The following ATP2C2 variants were observed in gnomAD, a reference collection of about 807,000 sequenced individuals.
ATP2C2 encodes the protein ATPase secretory pathway Ca2+ transporting 2.
Under a neutral mutation model 110.8 loss-of-function variants are expected in ATP2C2, and 171 were observed. The observed-to-expected ratio is 1.54, with a 90% confidence interval of 1.36 to 1.75. The LOEUF is 1.75. Among genes scored for constraint, ATP2C2 ranks in the 40% most tolerant of loss-of-function variants. The probability of loss-of-function intolerance (pLI) is 0.00; values close to 1 mark genes in which losing one functional copy is unlikely to be tolerated. For missense variants in ATP2C2, 1,963 were observed against 1,235.0 expected (o/e 1.59, Z -8.84); for synonymous variants, 804 against 508.4 (o/e 1.58, Z -7.82).
intron 1 of ATP2C2, among the ~76,000 whole-genome samples, chr16:84,396,497 C>T (rs571099279): frequency 1.4e-5 from 2 of 147,376 alleles, no homozygotes; most frequent in Admixed American, 1.4e-4. Flanking sequence ...TTGTAGTGAG[C>T]CGAGGTCGCA....
intron 15 of ATP2C2, among the ~76,000 whole-genome samples, chr16:84,445,210 C>CTTT (rs373290504): frequency 1.1e-4 from 15 of 141,696 alleles, no homozygotes; most frequent in South Asian, 2.3e-4. Flanking sequence ...GCGTTTTCCT[C>CTTT]TTTTTTTTTT....
chr16:84,388,730 T>C (rs17740617), intron 1 of ATP2C2, among the ~76,000 whole-genome samples: 23,506 of 152,210 alleles, frequency 0.15, 1,966 homozygotes, highest in East Asian at 0.27. Context: ...ATCCCAATAA[T>C]TACGTGCCCT....
intron 15 of ATP2C2, among the ~76,000 whole-genome samples, chr16:84,443,837 G>C (rs774245247): frequency 6.6e-6 from 1 of 152,102 alleles, no homozygotes; most frequent in Non-Finnish European, 1.5e-5. Context: ...ATAAGCCCCC[G>C]TGTTGGTAGA....
chr16:84,384,365 G>A (rs984996104), intron 1 of ATP2C2, among the ~76,000 whole-genome samples: 1 of 152,148 alleles, frequency 6.6e-6, no homozygotes, highest in African/African-American at 2.4e-5. Context: ...CTTGATTTGA[G>A]TTTGTCTAAT....
In ATP2C2 at chr16:84,415,585, C is replaced by T; in HGVS notation, c.618C>T (p.Leu206=). 1 of 1,612,948 alleles carries T rather than the reference C, an allele frequency of 6.2e-7. No homozygotes were observed. The highest frequency in any genetic ancestry group is 8.5e-7 in the Non-Finnish European group (1 of 1,179,286). The change falls in exon 7 of 27, where the codon CTC becomes CTT. Residue 206 remains leucine, a synonymous_variant. Transcript: ENST00000262429. ...ACCGGATCCCTGCAGACATCCGACTCACTGAGGTGAGTGGTTCCAAACCCT... is the reference window on the plus strand; with the variant it reads ...ACCGGATCCCTGCAGACATCCGACTTACTGAGGTGAGTGGTTCCAAACCCT... ...IGDRIPADIR[L]TEVTDLLVDE...
intron 1 of ATP2C2, 43 bp from the exon 2 acceptor site, chr16:84,398,455 AC>A: frequency 7.6e-7 from 1 of 1,312,302 alleles, no homozygotes; most frequent in Non-Finnish European, 1.1e-6. Context: ...ATTAATCAGT[AC>A]AAAAGTTCAA....
At chr16:84,391,742 G>C (rs1466974884) in intron 1 of ATP2C2, among the ~76,000 whole-genome samples, 1 of 152,292 alleles carries the variant, frequency 6.6e-6, no homozygotes, top group South Asian at 2.1e-4. Flanking sequence ...TTCCAGAACT[G>C]AGAGAACAAA....
rs566829431 is a variant in ATP2C2, at chr16:84,421,301, C to A, written c.625-1089C>A. On this transcript the variant is annotated intron_variant, in intron 7 of 26. Coordinates refer to ENST00000262429, the MANE Select transcript of ATP2C2 (RefSeq NM_014861.4). Reference sequence around the variant, plus strand: ...CGCCTCCCTGACGCTGTGGGGTCCACTGGGAAGGAAGTGGGGAGACGGGCA... The same window carrying A: ...CGCCTCCCTGACGCTGTGGGGTCCAATGGGAAGGAAGTGGGGAGACGGGCA... Among the ~76,000 whole-genome samples the A allele has an allele frequency of 1.5e-4, 23 of 152,354 alleles. No individual in the cohort carries two copies. The East Asian group carries it at 4.0e-3, about 27-fold the overall frequency.
At chr16:84,433,180 G>C (rs995456893) in intron 11 of ATP2C2, among the ~76,000 whole-genome samples, 1 of 152,140 alleles carries the variant, frequency 6.6e-6, no homozygotes, top group Admixed American at 6.5e-5. Flanking sequence ...AGGAGTTTGA[G>C]ACCAGCCTAG....
At chr16:84,459,244 G>C (rs765360508) in intron 22 of ATP2C2, 26 bp from the exon 23 acceptor site, 2 of 1,614,012 alleles carry the variant, frequency 1.2e-6, no homozygotes, top group South Asian at 2.2e-5. Context: ...GCGGGCGGCC[G>C]CTGACTGGCT....
At chr16:84,428,622 A>G (rs760312030) in intron 11 of ATP2C2, among the ~76,000 whole-genome samples, 1 of 152,240 alleles carries the variant, frequency 6.6e-6, no homozygotes, top group African/African-American at 2.4e-5. Context: ...AAATCCTAAA[A>G]GCAAAATACA....
chr16:84,422,618 C>G lies in ATP2C2; in HGVS notation c.775-11C>G, dbSNP rs190259099. The G allele has an allele frequency of 4.3e-4, 695 of 1,612,522 alleles. 2 individuals carry two copies. The African/African-American group carries it at 8.5e-3, about 20-fold the overall frequency. The stretch of plus-strand genomic sequence containing the variant: ...CCTTAGATTTCATACTTCTCTCTCT[C>G]CTGGACACAGGGGGTCGTGATTGGA... On this transcript the variant is annotated splice_polypyrimidine_tract_variant and intron_variant, in intron 8 of 26. Coordinates refer to ENST00000262429, the MANE Select transcript of ATP2C2 (RefSeq NM_014861.4).
chr16:84,386,109 C>T (rs971028030), intron 1 of ATP2C2, among the ~76,000 whole-genome samples: 6 of 152,072 alleles, frequency 3.9e-5, no homozygotes, highest in African/African-American at 1.4e-4. Flanking sequence ...TCATTTTGTA[C>T]TTTCTGTACC....
At chr16:84,430,668 G>C (rs1413479923) in intron 11 of ATP2C2, among the ~76,000 whole-genome samples, 4 of 147,862 alleles carry the variant, frequency 2.7e-5, no homozygotes, top group African/African-American at 1.0e-4. Flanking sequence ...GTCAGTTCTA[G>C]AATCTTCAAG....
chr16:84,389,688 C>A (rs1034554003), intron 1 of ATP2C2, among the ~76,000 whole-genome samples: 1 of 150,904 alleles, frequency 6.6e-6, no homozygotes, highest in African/African-American at 2.4e-5. Context: ...TGGTGCTGGG[C>A]TCTGTGCTGG....
chr16:84,375,295 A>G (rs1910186316), intron 1 of ATP2C2, among the ~76,000 whole-genome samples: 2 of 152,170 alleles, frequency 1.3e-5, no homozygotes, highest in Non-Finnish European at 2.9e-5. Context: ...TAATCCCAGC[A>G]CTTTGGGAGT....
intron 23 of ATP2C2, 27 bp downstream of exon 23, chr16:84,459,413 G>C (rs371909387): frequency 2.5e-6 from 4 of 1,610,602 alleles, no homozygotes; most frequent in African/African-American, 1.3e-5. Flanking sequence ...TGGGAGCCCT[G>C]TGTCTCTTTA....
At chr16:84,445,775 A>G (rs1343086157) in intron 15 of ATP2C2, among the ~76,000 whole-genome samples, 3 of 152,230 alleles carry the variant, frequency 2.0e-5, no homozygotes, top group Admixed American at 6.5e-5. Flanking sequence ...ACGTAAAAGG[A>G]GTAGTTTTTT....
At chr16:84,372,511 G>A (rs1377737791) in intron 1 of ATP2C2, among the ~76,000 whole-genome samples, 1 of 152,064 alleles carries the variant, frequency 6.6e-6, no homozygotes, top group African/African-American at 2.4e-5. Context: ...TTGGCTCACT[G>A]CAACCTCTGC....
Sources: allele counts gnomAD v4.1 joint callset (sites outside exome capture counted in the v4.1 genomes callset), GRCh38; gene constraint gnomAD v4.1.1; transcripts MANE v1.5; gene names NCBI Gene and HGNC (gene_info 2026-07-23, HGNC 2026-07-21).